The following PPP1R1C variants were observed in gnomAD, a reference collection of about 807,000 sequenced individuals.
The protein encoded by PPP1R1C is protein phosphatase 1 regulatory subunit 1C.
In PPP1R1C, 15 loss-of-function variants were observed where a neutral mutation model predicts 17.4. The observed-to-expected ratio is 0.86, with a 90% CI of 0.58 to 1.33. The LOEUF (loss-of-function observed/expected upper bound fraction) is 1.33, where lower values mean the gene tolerates loss of function less well. Among genes scored for constraint, PPP1R1C ranks in the 40% most tolerant of loss-of-function variants. The pLI is 0.00. For synonymous variants in PPP1R1C, 35 were observed against 43.1 expected (o/e 0.81, Z 0.73); for missense variants, 143 against 130.0 (o/e 1.10, Z -0.48).
intron 4 of PPP1R1C, among the ~76,000 whole-genome samples, chr2:182,105,836 T>C (rs1225540061): frequency 6.6e-6 from 1 of 152,174 alleles, no homozygotes; most frequent in Non-Finnish European, 1.5e-5. Flanking sequence ...TTCAACGCTA[T>C]GGATGTATTA....
At chr2:181,974,609 C>G (rs1273234456) in intron 1 of PPP1R1C, among the ~76,000 whole-genome samples, 1 of 152,154 alleles carries the variant, frequency 6.6e-6, no homozygotes, top group Admixed American at 6.5e-5. Flanking sequence ...ATACAGTGGA[C>G]CCTTCCTGGA....
chr2:182,098,653 A>T (rs559991353), intron 4 of PPP1R1C, among the ~76,000 whole-genome samples: 3 of 152,340 alleles, frequency 2.0e-5, no homozygotes, highest in African/African-American at 7.2e-5. Context: ...CAGAATTAAG[A>T]ATATTTGTAA....
At chr2:182,008,509 A>C (rs1433435170) in intron 2 of PPP1R1C, among the ~76,000 whole-genome samples, 1 of 152,154 alleles carries the variant, frequency 6.6e-6, no homozygotes, top group Admixed American at 6.5e-5. Flanking sequence ...AATGTTTGTG[A>C]AATGTAGTTT....
rs1574339964 is a variant in PPP1R1C at position 181,962,037 on chromosome 2, C to T, written n.111+7403C>T. On this transcript the variant is annotated intron_variant and non_coding_transcript_variant, in intron 1 of 5. Transcript: ENST00000464264. The surrounding 1 kb of genome is among the most constrained non-coding windows in gnomAD (Gnocchi z 6.0). ...TTGTCAATCTGCAAAACGATGCCGG[C>T]ATTGTCCACAGTATTTGCGAAGATC... 3 of 726,710 alleles carry T rather than the reference C, an allele frequency of 4.1e-6. No homozygotes were observed. The highest frequency in any genetic ancestry group is 7.6e-6 in the Non-Finnish European group (3 of 392,660). The allele number at this position is 726,710 out of a possible 1,614,324, so 45.0% of individuals were successfully genotyped here.
chr2:182,038,364 T>G (rs1462350906), intron 2 of PPP1R1C, among the ~76,000 whole-genome samples: 1 of 152,166 alleles, frequency 6.6e-6, no homozygotes, highest in Non-Finnish European at 1.5e-5. Context: ...AAACTAACTA[T>G]CCCTGTAGAT....
At chr2:182,122,308 A>G (rs1689752753), downstream of PPP1R1C, among the ~76,000 whole-genome samples, 1 of 152,182 alleles carries the variant, frequency 6.6e-6, no homozygotes, top group East Asian at 1.9e-4. Context: ...GGAGAACAAC[A>G]TAATTTTAGG....
At chr2:182,121,484 TTTTA>T (rs940538578), downstream of PPP1R1C, among the ~76,000 whole-genome samples, 10 of 152,108 alleles carry the variant, frequency 6.6e-5, no homozygotes, top group Admixed American at 3.3e-4. Context: ...TACTTTTTAT[TTTTA>T]TTTATTTATT....
At chr2:182,028,755 C>T (rs970534499) in intron 2 of PPP1R1C, among the ~76,000 whole-genome samples, 1 of 141,350 alleles carries the variant, frequency 7.1e-6, no homozygotes, top group Non-Finnish European at 1.6e-5. Context: ...GAGTTCAATT[C>T]CTGGGTATCC....
chr2:182,109,504 G>T (rs1262607666), intron 4 of PPP1R1C, among the ~76,000 whole-genome samples: 1 of 152,156 alleles, frequency 6.6e-6, no homozygotes, highest in Non-Finnish European at 1.5e-5. Flanking sequence ...GGATCAATTT[G>T]GGTTTTTTTG....
At chr2:182,055,541 G>A (rs1687656935) in intron 2 of PPP1R1C, among the ~76,000 whole-genome samples, 2 of 152,102 alleles carry the variant, frequency 1.3e-5, no homozygotes, top group South Asian at 4.2e-4. Context: ...GCTAGTGAGG[G>A]TATATCTGCT....
chr2:182,042,422 CA>C (rs1168228017), intron 2 of PPP1R1C, among the ~76,000 whole-genome samples: 3 of 152,106 alleles, frequency 2.0e-5, no homozygotes, highest in Non-Finnish European at 4.4e-5. Context: ...TTATCAAGGT[CA>C]TTGCTGTGAA....
intron 2 of PPP1R1C, among the ~76,000 whole-genome samples, chr2:182,047,003 A>G (rs1048718902): frequency 1.3e-5 from 2 of 152,200 alleles, no homozygotes; most frequent in Non-Finnish European, 2.9e-5. Context: ...AGAGAACTAA[A>G]TATTTCAAAT....
intron 2 of PPP1R1C, among the ~76,000 whole-genome samples, chr2:182,022,556 A>G (rs1207179667): frequency 6.6e-6 from 1 of 152,238 alleles, no homozygotes; most frequent in Non-Finnish European, 1.5e-5. Context: ...ACACATACGT[A>G]GCACAAAATA....
intron 4 of PPP1R1C, among the ~76,000 whole-genome samples, chr2:182,077,095 GA>G: frequency 6.6e-6 from 1 of 152,186 alleles, no homozygotes; most frequent in East Asian, 1.9e-4. Flanking sequence ...CAAATTTTTA[GA>G]AAATTACTAC....
At chr2:182,094,023 T>A (rs935672533) in intron 4 of PPP1R1C, among the ~76,000 whole-genome samples, 2 of 152,202 alleles carry the variant, frequency 1.3e-5, no homozygotes, top group Non-Finnish European at 2.9e-5. Context: ...TAGTCCATTT[T>A]CACACTGCTG....
intron 4 of PPP1R1C, among the ~76,000 whole-genome samples, chr2:182,073,002 C>T (rs1688183522): frequency 6.6e-6 from 1 of 152,218 alleles, no homozygotes; most frequent in African/African-American, 2.4e-5. Flanking sequence ...TCCTGTCCTG[C>T]CTTGCCTCCG....
intron 4 of PPP1R1C, among the ~76,000 whole-genome samples, chr2:182,115,338 TTA>T (rs1689552714): frequency 6.6e-6 from 1 of 152,162 alleles, no homozygotes; most frequent in South Asian, 2.1e-4. Context: ...TAATGGAACT[TTA>T]TGACTTACTC....
chr2:182,065,425 A>C (rs1412909439), intron 4 of PPP1R1C, among the ~76,000 whole-genome samples: 1 of 152,196 alleles, frequency 6.6e-6, no homozygotes, highest in Non-Finnish European at 1.5e-5. Context: ...TCTTGTGAGC[A>C]CATCAAGAGG....
At chr2:182,097,878 A>AAATACTCCAAGTATTTGAAGAGGG (rs1688989192) in intron 4 of PPP1R1C, among the ~76,000 whole-genome samples, 1 of 152,186 alleles carries the variant, frequency 6.6e-6, no homozygotes. Flanking sequence ...AGAGGGTTTC[A>AAATACTCCAAGTATTTGAAGAGGG]TATCAAATAC....
Sources: allele counts gnomAD v4.1 joint callset (sites outside exome capture counted in the v4.1 genomes callset), GRCh38; gene constraint gnomAD v4.1.1; non-coding constraint Gnocchi (gnomAD v3.1); transcripts MANE v1.5; gene names NCBI Gene and HGNC (gene_info 2026-07-23, HGNC 2026-07-21).